RETREG1: variants seen among roughly 807,000 people sequenced by gnomAD.
RETREG1 encodes family with sequence similarity 134 member B.
A neutral mutation model predicts 54.8 loss-of-function variants in RETREG1; 44 were observed. The ratio of observed to expected loss-of-function variants is 0.80; its 90% CI spans 0.63 to 1.03. The LOEUF (loss-of-function observed/expected upper bound fraction) is 1.03. RETREG1 is among the 50% of genes least tolerant of loss of function. The probability of loss-of-function intolerance (pLI) is 0.00; values close to 1 mark genes in which losing one functional copy is unlikely to be tolerated. For missense variants in RETREG1, 554 were observed against 605.1 expected (o/e 0.92, Z 0.89); for synonymous variants, 217 against 238.5 (o/e 0.91, Z 0.83).
At chr5:16,591,596 T>A (rs1476777694) in intron 1 of RETREG1, among the ~76,000 whole-genome samples, 1 of 152,300 alleles carries the variant, frequency 6.6e-6, no homozygotes, top group South Asian at 2.1e-4. Flanking sequence ...TAGAAAGTGC[T>A]CCCTTTACCC....
intron 4 of RETREG1, among the ~76,000 whole-genome samples, chr5:16,482,005 C>G (rs1738793953): frequency 6.6e-6 from 1 of 152,058 alleles, no homozygotes; most frequent in Non-Finnish European, 1.5e-5. Context: ...ATACATACCT[C>G]TGACCAATAA....
intron 1 of RETREG1, among the ~76,000 whole-genome samples, chr5:16,576,505 G>A (rs1287759719): frequency 3.6e-4 from 54 of 151,182 alleles, no homozygotes; most frequent in Non-Finnish European, 4.4e-5. Context: ...TATTTTTTGA[G>A]ACGGAGTTTC....
Position 16,478,924 on chromosome 5 carries a change from T to C in RETREG1, c.734A>G (p.Lys245Arg), listed in dbSNP as rs1211346227. The stretch of plus-strand genomic sequence containing the variant: ...CAGTTTCAGCAGAACTGACTTAATT[T>C]TGCTGTAAATTTTTTGTCCAATATC... ...CNDIGQKIYS[K>R]IKSVLLKLDF... Residue 245 changes from lysine to arginine, a missense_variant, in exon 6 of 9, where the codon AAA becomes AGA. By Grantham distance (26) the Lys-to-Arg change is conservative. Transcript: ENST00000306320. 1 of 1,612,002 alleles carries C rather than the reference T, an allele frequency of 6.2e-7. No individual in the cohort carries two copies. The highest frequency in any genetic ancestry group is 8.5e-7 in the Non-Finnish European group (1 of 1,178,582).
intron 3 of RETREG1, among the ~76,000 whole-genome samples, chr5:16,525,392 C>T (rs562728107): frequency 6.6e-6 from 1 of 152,306 alleles, no homozygotes; most frequent in East Asian, 1.9e-4. Flanking sequence ...TCCCTTCCCC[C>T]CCGCCACGAA....
At chr5:16,492,199 C>CCTCTCTCTCTCTCTCTCT (rs369038338) in intron 3 of RETREG1, among the ~76,000 whole-genome samples, 10 of 136,104 alleles carry the variant, frequency 7.3e-5, no homozygotes, top group African/African-American at 2.7e-4. Flanking sequence ...ACAGTGTTGT[C>CCTCTCTCTCTCTCTCTCT]CTCTCTCTCT....
chr5:16,517,983 A>G (rs1255543396), intron 3 of RETREG1, among the ~76,000 whole-genome samples: 1 of 151,672 alleles, frequency 6.6e-6, no homozygotes, highest in East Asian at 1.9e-4. Context: ...GTCTTTCCCT[A>G]ATATAGTTAG....
At chr5:16,611,354 G>A (rs1435489477) in intron 1 of RETREG1, among the ~76,000 whole-genome samples, 3 of 152,028 alleles carry the variant, frequency 2.0e-5, no homozygotes, top group Admixed American at 6.5e-5. Context: ...GTATACATAC[G>A]TAACAAACCT....
chr5:16,532,494 T>G (rs569386731), intron 3 of RETREG1, among the ~76,000 whole-genome samples: 331 of 152,296 alleles, frequency 2.2e-3, no homozygotes, highest in Non-Finnish European at 3.3e-3. Flanking sequence ...CCACTGCACT[T>G]GAGCTAACAT....
chr5:16,555,536 G>A (rs1343310607), intron 3 of RETREG1, among the ~76,000 whole-genome samples: 1 of 152,170 alleles, frequency 6.6e-6, no homozygotes, highest in East Asian at 1.9e-4. Flanking sequence ...TGAAAGGATG[G>A]ACGAATGAAC....
intron 3 of RETREG1, among the ~76,000 whole-genome samples, chr5:16,508,343 T>A (rs2126563491): frequency 1.3e-5 from 2 of 152,356 alleles, no homozygotes; most frequent in South Asian, 4.1e-4. Flanking sequence ...AGGCCATCAC[T>A]TTCTGATTCA....
intron 3 of RETREG1, among the ~76,000 whole-genome samples, chr5:16,551,128 T>TC (rs35539245): frequency 0.34 from 51,456 of 151,964 alleles, 10,184 homozygotes; most frequent in Non-Finnish European, 0.44. Flanking sequence ...GCCATGCTAC[T>TC]CTTTTCCCGG....
chr5:16,501,232 T>C (rs1739697218), intron 3 of RETREG1, among the ~76,000 whole-genome samples: 1 of 152,224 alleles, frequency 6.6e-6, no homozygotes, highest in Non-Finnish European at 1.5e-5. Context: ...TATGCCCATT[T>C]TGCTGATGAC....
chr5:16,483,387 G>T lies in RETREG1; in HGVS notation c.544C>A (p.Leu182Ile). 1 of 1,613,344 alleles carries T rather than the reference G, an allele frequency of 6.2e-7. No individual in the cohort carries two copies. The highest frequency in any genetic ancestry group is 8.5e-7 in the Non-Finnish European group (1 of 1,179,436). ...AESWMNFSIF[L>I]QEMSLFKQQS... ...TGTTTAAAAAGAGACATTTCTTGAA[G>T]AAATATGCTGAAATTCATCCATGAT... The change falls in exon 4 of 9, where the codon CTT becomes ATT. Residue 182 changes from leucine to isoleucine, a missense_variant. Transcript: ENST00000306320.
intron 2 of RETREG1, among the ~76,000 whole-genome samples, chr5:16,569,603 TA>T: frequency 6.6e-6 from 1 of 152,276 alleles, no homozygotes; most frequent in Admixed American, 6.5e-5. Flanking sequence ...ATTGACCTCT[TA>T]TAAAGCCCTG....
chr5:16,543,631 G>A (rs1254710603), intron 3 of RETREG1, among the ~76,000 whole-genome samples: 2 of 150,576 alleles, frequency 1.3e-5, no homozygotes, highest in South Asian at 2.1e-4. Flanking sequence ...AGCCGAGATC[G>A]CGCCATTGCA....
chr5:16,515,168 A>G (rs1740309321), intron 3 of RETREG1, among the ~76,000 whole-genome samples: 2 of 151,972 alleles, frequency 1.3e-5, no homozygotes. Context: ...TTGTTCTTTC[A>G]GGAATCTCCA....
At chr5:16,504,202 G>C (rs571880117) in intron 3 of RETREG1, among the ~76,000 whole-genome samples, 5 of 152,304 alleles carry the variant, frequency 3.3e-5, no homozygotes, top group African/African-American at 9.6e-5. Flanking sequence ...ACGGCTTCCA[G>C]CTCCATCCAT....
chr5:16,569,394 ACAGGATTGCAGGGAGGCTCTG>A (rs1742111384), intron 2 of RETREG1, among the ~76,000 whole-genome samples: 1 of 150,796 alleles, frequency 6.6e-6, no homozygotes, highest in African/African-American at 2.5e-5. Flanking sequence ...GGCCTGATCT[ACAGGATTGCAGGGAGGCTCTG>A]CCTCGACAGA....
chr5:16,528,454 G>C (rs1339429932), intron 3 of RETREG1, among the ~76,000 whole-genome samples: 1 of 152,130 alleles, frequency 6.6e-6, no homozygotes, highest in East Asian at 1.9e-4. Context: ...GTCACCTTGT[G>C]ATGGATATAT....
Sources: gnomAD v4.1 joint callset for allele counts (sites outside exome capture counted in the v4.1 genomes callset) on GRCh38, gnomAD v4.1.1 for gene constraint, MANE v1.5 for transcripts, NCBI Gene and HGNC (gene_info 2026-07-23, HGNC 2026-07-21) for gene names.